Variants in LRP1B observed in about 807,000 individuals in gnomAD.
LRP1B encodes low-density lipoprotein receptor-related protein 1B.
Under a neutral mutation model 556.6 loss-of-function variants are expected in LRP1B, and 217 were observed. The ratio of observed to expected loss-of-function variants is 0.39; its 90% confidence interval spans 0.35 to 0.44. The LOEUF (loss-of-function observed/expected upper bound fraction) is 0.44. LRP1B is among the 20% of genes least tolerant of loss of function. The pLI, the probability that LRP1B is intolerant of heterozygous loss-of-function variation, is 1.00. For synonymous variants in LRP1B, 2,047 were observed against 1,865.8 expected (o/e 1.10, Z -2.50); for missense variants, 5,053 against 5,620.8 (o/e 0.90, Z 3.23).
At chr2:141,688,237 T>C (rs1574243623) in intron 2 of LRP1B, among the ~76,000 whole-genome samples, 1 of 151,614 alleles carries the variant, frequency 6.6e-6, no homozygotes, top group Admixed American at 6.6e-5. Flanking sequence ...TATTCTCACA[T>C]GTATATTACA....
At chr2:140,452,363 T>C (rs563811584) in intron 62 of LRP1B, among the ~76,000 whole-genome samples, 17 of 152,236 alleles carry the variant, frequency 1.1e-4, no homozygotes, top group South Asian at 6.2e-4. Flanking sequence ...CTGGAGCAGC[T>C]GCCACTAAAA....
intron 2 of LRP1B, among the ~76,000 whole-genome samples, chr2:141,527,914 G>C (rs574963230): frequency 2.0e-5 from 3 of 152,132 alleles, no homozygotes; most frequent in African/African-American, 7.2e-5. Context: ...ATAGTTGTAT[G>C]TAATTTATAT....
intron 66 of LRP1B, among the ~76,000 whole-genome samples, chr2:140,439,945 G>T (rs1391745790): frequency 6.6e-6 from 1 of 151,914 alleles, no homozygotes. Context: ...TATGTGTTAA[G>T]TTACTCTGCT....
At chr2:141,211,324 A>G (rs1171228571) in intron 6 of LRP1B, among the ~76,000 whole-genome samples, 3 of 151,798 alleles carry the variant, frequency 2.0e-5, no homozygotes, top group African/African-American at 7.2e-5. Flanking sequence ...AAACAAAACA[A>G]AAACTAAGCA....
chr2:141,139,095 G>C (rs1039012694), intron 7 of LRP1B, among the ~76,000 whole-genome samples: 17 of 151,802 alleles, frequency 1.1e-4, no homozygotes, highest in Non-Finnish European at 2.2e-4. Context: ...CTATAGTAGA[G>C]AAACAATAGT....
chr2:141,722,191 A>C (rs1692842236), intron 2 of LRP1B, among the ~76,000 whole-genome samples: 1 of 152,162 alleles, frequency 6.6e-6, no homozygotes, highest in African/African-American at 2.4e-5. Context: ...CAACCTGGCC[A>C]ACATGGTGAA....
intron 1 of LRP1B, among the ~76,000 whole-genome samples, chr2:141,990,593 G>A (rs1198692823): frequency 6.6e-6 from 1 of 151,968 alleles, no homozygotes; most frequent in Non-Finnish European, 1.5e-5. Flanking sequence ...GACCATTCTT[G>A]TCTATGCACA....
At chr2:142,093,027 T>C (rs947937649) in intron 1 of LRP1B, among the ~76,000 whole-genome samples, 10 of 152,106 alleles carry the variant, frequency 6.6e-5, no homozygotes, top group African/African-American at 2.2e-4. Flanking sequence ...TACAAATCCA[T>C]GCTCCACTTT....
rs141180718 is a variant in LRP1B at position 141,929,636 on chromosome 2, A to G, written c.83-119235T>C. Among the ~76,000 whole-genome samples, 11 of 152,192 alleles carry G rather than the reference A, an allele frequency of 7.2e-5. 1 individual carries two copies. In the East Asian group the frequency reaches 2.1e-3, roughly 29 times the overall value. ...AGAGTTAAAATTTTAAACTTTCACT[A>G]TCATTTTTATTTTGGAAGTAAAATG... On this transcript the variant is annotated intron_variant, in intron 1 of 90. Coordinates refer to ENST00000389484, the MANE Select transcript of LRP1B (RefSeq NM_018557.3).
chr2:141,122,528 T>C (rs1429555337), intron 7 of LRP1B, among the ~76,000 whole-genome samples: 1 of 151,558 alleles, frequency 6.6e-6, no homozygotes, highest in Non-Finnish European at 1.5e-5. Flanking sequence ...ATCAGAGAAA[T>C]GCAAATCAAA....
intron 2 of LRP1B, among the ~76,000 whole-genome samples, chr2:141,756,761 G>T (rs1363792155): frequency 6.6e-6 from 1 of 152,010 alleles, no homozygotes; most frequent in Non-Finnish European, 1.5e-5. Flanking sequence ...TGCTGTCTAG[G>T]TTCATACCCT....
At chr2:141,125,393 T>C (rs1028575436) in intron 7 of LRP1B, among the ~76,000 whole-genome samples, 1 of 152,184 alleles carries the variant, frequency 6.6e-6, no homozygotes, top group African/African-American at 2.4e-5. Flanking sequence ...AGCCCATGCA[T>C]GCACAAGATA....
At chr2:142,088,558 A>G (rs952056487) in intron 1 of LRP1B, among the ~76,000 whole-genome samples, 1 of 152,200 alleles carries the variant, frequency 6.6e-6, no homozygotes, top group African/African-American at 2.4e-5. Context: ...ATATCAGGAT[A>G]CCTTCGCCTA....
chr2:141,860,018 A>G (rs1698187782), intron 1 of LRP1B, among the ~76,000 whole-genome samples: 1 of 152,192 alleles, frequency 6.6e-6, no homozygotes, highest in African/African-American at 2.4e-5. Context: ...AAACAAACAG[A>G]AAATGTTATT....
rs141931634 is a variant in LRP1B, at chr2:140,687,146, G to A, written c.6799+13104C>T. On this transcript the variant is annotated intron_variant, in intron 41 of 90. Coordinates refer to ENST00000389484, the MANE Select transcript of LRP1B (RefSeq NM_018557.3). ...AGAGTGATGAGATCCAAAGTCATCC[G>A]GAAAGATTTCTGAGAGAAGAGGAAA... Among the ~76,000 whole-genome samples the A allele has an allele frequency of 5.3e-4, 81 of 152,138 alleles. 1 individual carries two copies. In the East Asian group the frequency reaches 7.2e-3, roughly 13 times the overall value.
chr2:140,973,069 T>G (rs900847681), intron 18 of LRP1B, among the ~76,000 whole-genome samples: 11 of 146,934 alleles, frequency 7.5e-5, no homozygotes, highest in African/African-American at 2.2e-4. Context: ...TATATATATA[T>G]ATATATATAT....
chr2:140,760,460 T>G (rs956569315), intron 35 of LRP1B, among the ~76,000 whole-genome samples: 2 of 152,190 alleles, frequency 1.3e-5, no homozygotes, highest in South Asian at 4.1e-4. Flanking sequence ...GTAGATCAAC[T>G]AAGTCAAATT....
chr2:140,274,520 G>A lies in LRP1B; in HGVS notation c.13046C>T (p.Thr4349Met), dbSNP rs773522720. Residue 4349 changes from threonine to methionine, a missense_variant, in exon 85 of 91, where the codon ACG (threonine) becomes ATG (methionine). Physicochemically the swap from Thr to Met is moderately conservative, Grantham distance 81. This residue lies in a region of LRP1B where 551 missense variants were observed against 592.0 expected (regional missense o/e 0.93). Coordinates refer to ENST00000389484, the MANE Select transcript of LRP1B (RefSeq NM_018557.3). ...CTCACATTTTGGTCCTTCATAGCGC[G>A]TTGGACAGACACATTCAACACTTCC... ...DDGSVECVCP[T>M]RYEGPKCEVD... 27 of 1,612,412 alleles carry A rather than the reference G, an allele frequency of 1.7e-5. No homozygotes were observed. The Admixed American group carries it at 2.0e-4, about 12-fold the overall frequency.
intron 1 of LRP1B, among the ~76,000 whole-genome samples, chr2:141,954,139 T>C (rs1290983453): frequency 6.6e-6 from 1 of 152,086 alleles, no homozygotes; most frequent in Non-Finnish European, 1.5e-5. Context: ...AGGCAAATGT[T>C]TTCTATTATT....
Sources: gnomAD v4.1 joint callset for allele counts (sites outside exome capture counted in the v4.1 genomes callset) on GRCh38, gnomAD v4.1.1 for gene constraint, gnomAD v4.1.1 regional missense constraint, MANE v1.5 for transcripts, NCBI Gene and HGNC (gene_info 2026-07-23, HGNC 2026-07-21) for gene names.